The following CPA6 variants were observed in gnomAD, a reference collection of about 807,000 sequenced individuals.
CPA6 encodes carboxypeptidase A6.
Under a neutral mutation model 63.3 loss-of-function variants are expected in CPA6, and 58 were observed. The ratio of observed to expected loss-of-function variants is 0.92; its 90% CI spans 0.74 to 1.14. The LOEUF is 1.14. Among genes scored for constraint, CPA6 ranks in the 50% most tolerant of loss-of-function variants. The pLI, the probability that CPA6 is intolerant of heterozygous loss-of-function variation, is 0.00. For missense variants in CPA6, 565 were observed against 526.6 expected, an observed-to-expected ratio of 1.07 and a Z score of -0.71; for synonymous variants, 185 against 179.0, an observed-to-expected ratio of 1.03 and a Z score of -0.27.
chr8:67,576,888 A>C (rs1813640340), intron 2 of CPA6, among the ~76,000 whole-genome samples: 1 of 148,630 alleles, frequency 6.7e-6, no homozygotes, highest in Non-Finnish European at 1.5e-5. Flanking sequence ...TTTTTGAGAC[A>C]GTCTTGCTCT....
intron 2 of CPA6, among the ~76,000 whole-genome samples, chr8:67,524,613 C>T (rs1202101903): frequency 5.3e-5 from 8 of 149,908 alleles, no homozygotes; most frequent in African/African-American, 2.0e-4. Context: ...TTTGAAAAAA[C>T]TTTTTTTGTT....
At chr8:67,675,408 G>A (rs998412754) in intron 1 of CPA6, among the ~76,000 whole-genome samples, 5 of 152,124 alleles carry the variant, frequency 3.3e-5, no homozygotes, top group South Asian at 2.1e-4. Context: ...GTGGTTTTAC[G>A]CCCTTTTTAC....
chr8:67,720,848 C>T (rs978464818), intron 1 of CPA6, among the ~76,000 whole-genome samples: 2 of 152,170 alleles, frequency 1.3e-5, no homozygotes, highest in Admixed American at 1.3e-4. Flanking sequence ...GCTGCCTCCA[C>T]TAGAGATGCA....
chr8:67,688,171 C>A (rs185873920), intron 1 of CPA6, among the ~76,000 whole-genome samples: 1 of 152,184 alleles, frequency 6.6e-6, no homozygotes, highest in East Asian at 1.9e-4. Flanking sequence ...GAGAACCTGT[C>A]TCAAAAACCA....
intron 1 of CPA6, among the ~76,000 whole-genome samples, chr8:67,702,085 C>G (rs181838126): frequency 1.3e-5 from 2 of 152,238 alleles, no homozygotes; most frequent in East Asian, 3.9e-4. Flanking sequence ...AAGACAGTCT[C>G]CCAATAGACA....
chr8:67,666,227 T>C (rs1816223375), intron 1 of CPA6, among the ~76,000 whole-genome samples: 1 of 152,224 alleles, frequency 6.6e-6, no homozygotes, highest in South Asian at 2.1e-4. Flanking sequence ...ACACCTATTT[T>C]ACTATTCTTC....
At chr8:67,596,039 G>C (rs1240523856) in intron 2 of CPA6, among the ~76,000 whole-genome samples, 1 of 152,146 alleles carries the variant, frequency 6.6e-6, no homozygotes, top group African/African-American at 2.4e-5. Flanking sequence ...CCTCCCCCCA[G>C]TGTTGATTGT....
At chr8:67,423,267 T>G (rs780580473) in intron 10 of CPA6, among the ~76,000 whole-genome samples, 3 of 152,170 alleles carry the variant, frequency 2.0e-5, no homozygotes, top group Non-Finnish European at 2.9e-5. Context: ...GTATTTGTAG[T>G]AGAGACAGGG....
At chr8:67,457,574 A>C (rs1810703898) in intron 8 of CPA6, among the ~76,000 whole-genome samples, 1 of 151,070 alleles carries the variant, frequency 6.6e-6, no homozygotes, top group Non-Finnish European at 1.5e-5. Context: ...TGGTTTCATC[A>C]CCTCTCACCT....
At chr8:67,611,537 A>C (rs1255981751) in intron 2 of CPA6, among the ~76,000 whole-genome samples, 2 of 151,046 alleles carry the variant, frequency 1.3e-5, no homozygotes, top group African/African-American at 4.9e-5. Context: ...CCAGGTACCA[A>C]TAGATTGCCT....
intron 1 of CPA6, among the ~76,000 whole-genome samples, chr8:67,672,136 TG>T (rs1252310963): frequency 6.6e-6 from 1 of 152,180 alleles, no homozygotes; most frequent in Non-Finnish European, 1.5e-5. Context: ...GGCCTTCTCA[TG>T]CATTTTTAAG....
intron 9 of CPA6, among the ~76,000 whole-genome samples, chr8:67,428,576 T>C (rs1326602311): frequency 1.3e-5 from 2 of 152,098 alleles, no homozygotes; most frequent in Non-Finnish European, 2.9e-5. Flanking sequence ...CTCCACCTCC[T>C]GGGTTCAAGC....
At chr8:67,523,226 G>A (rs1812296266) in intron 2 of CPA6, among the ~76,000 whole-genome samples, 1 of 152,116 alleles carries the variant, frequency 6.6e-6, no homozygotes, top group Non-Finnish European at 1.5e-5. Context: ...TACACACAAA[G>A]TACCTAAAAT....
chr8:67,637,390 C>T (rs1815493002), intron 1 of CPA6, among the ~76,000 whole-genome samples: 1 of 151,614 alleles, frequency 6.6e-6, no homozygotes, highest in South Asian at 2.1e-4. Flanking sequence ...GTAATAATGT[C>T]ATGAAATTAA....
intron 6 of CPA6, among the ~76,000 whole-genome samples, chr8:67,486,876 T>A (rs1346059663): frequency 6.6e-6 from 1 of 151,960 alleles, no homozygotes; most frequent in Non-Finnish European, 1.5e-5. Context: ...TAACAATTTT[T>A]TTTTTTTTTG....
chr8:67,512,469 T>C (rs1812061720), intron 3 of CPA6, among the ~76,000 whole-genome samples: 1 of 152,216 alleles, frequency 6.6e-6, no homozygotes, highest in Non-Finnish European at 1.5e-5. Context: ...CAGCCAATTA[T>C]AGTGAATGCA....
intron 6 of CPA6, among the ~76,000 whole-genome samples, chr8:67,499,750 G>A (rs1309458017): frequency 2.0e-5 from 3 of 152,052 alleles, no homozygotes; most frequent in East Asian, 1.9e-4. Flanking sequence ...AATACAATAG[G>A]CATTTGTTTA....
At chr8:67,658,822 C>T (rs987087567) in intron 1 of CPA6, among the ~76,000 whole-genome samples, 2 of 152,092 alleles carry the variant, frequency 1.3e-5, no homozygotes, top group African/African-American at 4.8e-5. Context: ...TCATCCATCA[C>T]CAAATCTAGG....
intron 8 of CPA6, among the ~76,000 whole-genome samples, chr8:67,475,881 CCTTTCTTTCTTTCTTT>C (rs763576613): frequency 0.012 from 498 of 43,088 alleles, 19 homozygotes; most frequent in African/African-American, 0.034. Flanking sequence ...CTTTCTTTCT[CCTTTCTTTCTTTCTTT>C]CTTTCTTTCT....
Sources: gnomAD v4.1 joint callset for allele counts (sites outside exome capture counted in the v4.1 genomes callset) on GRCh38, gnomAD v4.1.1 for gene constraint, MANE v1.5 for transcripts, NCBI Gene and HGNC (gene_info 2026-07-23, HGNC 2026-07-21) for gene names.